Variants in CNTROB observed in about 807,000 individuals in gnomAD.
CNTROB encodes centrobin.
CNTROB carries 82 observed loss-of-function variants against 115.7 expected under a neutral mutation model. The observed-to-expected ratio is 0.71, with a 90% CI of 0.59 to 0.85. CNTROB has a LOEUF of 0.85. CNTROB is among the 40% of genes least tolerant of loss of function. The pLI, the probability that CNTROB is intolerant of heterozygous loss-of-function variation, is 0.00. For missense variants in CNTROB, 1,014 were observed against 1,144.4 expected, an observed-to-expected ratio of 0.89 and a Z score of 1.64; for synonymous variants, 439 against 456.4, an observed-to-expected ratio of 0.96 and a Z score of 0.49.
chr17:7,934,681 T>C, intron 3 of CNTROB, 135 bp downstream of exon 3: 1 of 812,328 alleles, frequency 1.2e-6, no homozygotes, highest in South Asian at 1.6e-5. Flanking sequence ...TCAGTTTTCA[T>C]CTTTTTCTAC....
intron 18 of CNTROB, 89 bp downstream of exon 18, chr17:7,949,246 A>G: frequency 2.6e-6 from 4 of 1,567,826 alleles, no homozygotes; most frequent in Non-Finnish European, 1.8e-6. Flanking sequence ...TGGCCCCTCC[A>G]TTCCACCCCT....
chr17:7,936,761 A>AG lies in CNTROB; in HGVS notation c.776dup (p.Leu260ThrfsTer28). On this transcript the variant is annotated frameshift_variant, in exon 6 of 19. Transcript: ENST00000563694. LOFTEE classifies it high-confidence loss of function. ...TGAGGCTGAGCGGACAGAGGTTCTCAGGGGACTTCAAGAGGAACACCAGGC... is the reference window on the plus strand; with the variant it reads ...TGAGGCTGAGCGGACAGAGGTTCTCAGGGGGACTTCAAGAGGAACACCAGGC... 1 of 1,572,968 alleles carries AG rather than the reference A, an allele frequency of 6.4e-7. No individual in the cohort carries two copies. The highest frequency in any genetic ancestry group is 8.8e-7 in the Non-Finnish European group (1 of 1,142,326).
chr17:7,938,001 G>GTTT (rs368082295), intron 7 of CNTROB, among the ~76,000 whole-genome samples: 45,316 of 103,998 alleles, frequency 0.44, 10,772 homozygotes, highest in East Asian at 0.72. Context: ...TTCTTTTCGT[G>GTTT]TTTTTTTTTT....
rs966098620 is a variant in CNTROB, at chr17:7,939,478, C to T, written c.928-35C>T. On this transcript the variant is annotated intron_variant, in intron 7 of 18. Transcript: ENST00000563694. This position sits in a 1 kb window ranked among gnomAD's most constrained non-coding sequence, Gnocchi z 4.4. ...GGCAGATCGCTGGTCTCTGAAGAGC[C>T]TACTAAGGAGCTTGGTTTTCTTCTG... 6.3e-7 allele frequency: 1 copy of T among 1,578,528 alleles called. No individual in the cohort carries two copies. The highest frequency in any genetic ancestry group is 1.3e-5 in the African/African-American group (1 of 74,332).
chr17:7,946,110 T>A, intron 13 of CNTROB, 124 bp downstream of exon 13: 1 of 839,508 alleles, frequency 1.2e-6, no homozygotes, highest in Non-Finnish European at 1.9e-6. Flanking sequence ...TGATCGCAAG[T>A]TGCAAGGAGC....
chr17:7,943,662 C>T lies in CNTROB; in HGVS notation c.1445+138C>T. On this transcript the variant is annotated intron_variant, in intron 10 of 18. Transcript: ENST00000563694. The surrounding 1 kb of genome is among the most constrained non-coding windows in gnomAD (Gnocchi z 4.7). ...TGCGCTAACTCCCATCAGCTGGGAC[C>T]TGAGTCTCTCTCGGGAGGGCTGCCT... 1 of 905,940 alleles carries T rather than the reference C, an allele frequency of 1.1e-6. No homozygotes were observed. The highest frequency in any genetic ancestry group is 1.6e-6 in the Non-Finnish European group (1 of 624,026). 56.1% of individuals were successfully genotyped at this position (905,940 alleles called of 1,614,324 possible).
intron 4 of CNTROB, among the ~76,000 whole-genome samples, chr17:7,935,489 G>A (rs1299051687): frequency 7.9e-5 from 12 of 150,976 alleles, no homozygotes; most frequent in Admixed American, 7.9e-4. Flanking sequence ...GCGACAGAGC[G>A]AGACTCCGTC....
rs1335117348 is a variant in CNTROB, at chr17:7,939,407, T to A, written c.928-106T>A. The A allele has an allele frequency of 4.1e-6, 4 of 978,482 alleles. No homozygotes were observed. The highest frequency in any genetic ancestry group is 6.3e-6 in the Non-Finnish European group (4 of 635,170). 60.6% of individuals were successfully genotyped at this position (978,482 alleles called of 1,614,324 possible). A position where few individuals can be genotyped will look rare whatever the true frequency, so the allele number is the denominator to read the frequency against. On this transcript the variant is annotated intron_variant, in intron 7 of 18. Coordinates refer to ENST00000563694, the MANE Select transcript of CNTROB (RefSeq NM_053051.5). The surrounding 1 kb of genome is among the most constrained non-coding windows in gnomAD (Gnocchi z 4.4). Reference sequence around the variant, plus strand: ...CCGCACCCGGCCTAATTATTGTGTTTTTAATGAGCATAATTCTCAGCAGGC... The same window carrying A: ...CCGCACCCGGCCTAATTATTGTGTTATTAATGAGCATAATTCTCAGCAGGC...
At chr17:7,949,302 T>C (rs1974931499) in intron 18 of CNTROB, 83 bp from the exon 19 acceptor site, 5 of 1,596,076 alleles carry the variant, frequency 3.1e-6, no homozygotes, top group Non-Finnish European at 4.3e-6. Flanking sequence ...CATCTGGCCC[T>C]CTCCACGTGC....
In CNTROB at chr17:7,945,807, T is replaced by A. The variant is rs1974469921; in HGVS notation, c.1814T>A (p.Met605Lys). The A allele has an allele frequency of 2.5e-6, 4 of 1,614,224 alleles. No homozygotes were observed. The highest frequency in any genetic ancestry group is 1.7e-4 in the Middle Eastern group (1 of 6,060). Residue 605 changes from methionine to lysine, a missense_variant, in exon 13 of 19, where the codon ATG becomes AAG. Met to Lys is a moderately conservative substitution (Grantham distance 95). Coordinates refer to ENST00000563694, the MANE Select transcript of CNTROB (RefSeq NM_053051.5). Reference sequence around the variant, plus strand: ...AGGAGGGTCTGGACTATGCCTCCCATGGCCGTGGCCCTGAAGCCTGTATTG... The same window carrying A: ...AGGAGGGTCTGGACTATGCCTCCCAAGGCCGTGGCCCTGAAGCCTGTATTG... ...EERRVWTMPP[M>K]AVALKPVLQQ...
intron 14 of CNTROB, 24 bp from the exon 15 acceptor site, chr17:7,947,892 C>G (rs985087640): frequency 1.9e-5 from 30 of 1,613,192 alleles, no homozygotes; most frequent in Non-Finnish European, 2.5e-5. Flanking sequence ...CCCTAGGGAA[C>G]TTGACAATCT....
rs1440225121 is a variant in CNTROB, at chr17:7,944,183, G to C, written c.1506G>C (p.Gln502His). The C allele has an allele frequency of 1.2e-6, 2 of 1,612,830 alleles. No individual in the cohort carries two copies. Among genetic ancestry groups the C allele is most frequent in the Non-Finnish European group, 8.5e-7 (1 of 1,178,800 alleles). ...HQQELASQLA[Q>H]FKVEMAEREE... The stretch of plus-strand genomic sequence containing the variant: ...AGGAGCTGGCCAGTCAGCTAGCTCA[G>C]TTCAAGGTGGAAATGGCAGAACGAG... Residue 502 changes from glutamine to histidine, a missense_variant, in exon 11 of 19, where the codon CAG (glutamine) becomes CAC (histidine). Gln to His is a conservative substitution (Grantham distance 24, BLOSUM62 0). Transcript: ENST00000563694. The surrounding 1 kb of genome is among the most constrained non-coding windows in gnomAD (Gnocchi z 4.0).
intron 4 of CNTROB, 133 bp downstream of exon 4, chr17:7,935,278 C>T (rs1235023289): frequency 1.0e-5 from 14 of 1,359,068 alleles, no homozygotes; most frequent in East Asian, 2.5e-5. Context: ...CTGAGGCAGG[C>T]GGATCACGAG....
At position 7,949,728 on chromosome 17, in the gene CNTROB, C is replaced by T. The variant is rs939334125; in HGVS notation, c.*218C>T. 2.1e-5 allele frequency: 9 copies of T among 427,730 alleles called. No individual in the cohort carries two copies. The highest frequency in any genetic ancestry group is 4.3e-5 in the Admixed American group (1 of 23,070). 26.5% of individuals were successfully genotyped at this position (427,730 alleles called of 1,614,324 possible). A position where few individuals can be genotyped will look rare whatever the true frequency, so the allele number is the denominator to read the frequency against. On this transcript the variant is annotated 3_prime_UTR_variant, in exon 19 of 19. Coordinates refer to ENST00000563694, the MANE Select transcript of CNTROB (RefSeq NM_053051.5). ...GAAAAGACATGAATGCTTTGGAAGA[C>T]GGTCTATGACAAGATTTGGAAAGTT...
rs1598057814 is a variant in CNTROB at position 7,934,558 on chromosome 17, T to C, written c.437+12T>C. 6.2e-7 allele frequency: 1 copy of C among 1,606,036 alleles called. No individual in the cohort carries two copies. The highest frequency in any genetic ancestry group is 8.5e-7 in the Non-Finnish European group (1 of 1,172,698). On this transcript the variant is annotated intron_variant, in intron 3 of 18. Transcript: ENST00000563694. ...GCCACCTTGCTCAAGTGAGTTCTCC[T>C]TGTGGTTCTCCTAGCTTGTTTGCTT...
rs770967149 is a variant in CNTROB at position 7,944,390 on chromosome 17, T to C, written c.1572-86T>C. The C allele has an allele frequency of 1.9e-6, 3 of 1,577,630 alleles. No homozygotes were observed. In the African/African-American group the frequency reaches 4.0e-5, roughly 21 times the overall value. ...CCAGCTCCTTTCAGAATATCAGATG[T>C]CCAACATTTCCCTTCTGGCTCTTTT... On this transcript the variant is annotated intron_variant, in intron 11 of 18. Coordinates refer to ENST00000563694, the MANE Select transcript of CNTROB (RefSeq NM_053051.5). This position sits in a 1 kb window ranked among gnomAD's most constrained non-coding sequence, Gnocchi z 4.0.
Position 7,944,514 on chromosome 17 carries a change from G to A in CNTROB, c.1610G>A (p.Ser537Asn). The A allele has an allele frequency of 1.9e-6, 3 of 1,614,142 alleles. No homozygotes were observed. Among genetic ancestry groups the A allele is most frequent in the South Asian group, 1.1e-5 (1 of 91,088 alleles). ...CAAGCGCGAGTGTGCGAACTGCAGA[G>A]TGGGAACCAGCAGCTGGAGGAGCAG... ...REQARVCELQ[S>N]GNQQLEEQRV... is the part of the protein sequence containing the mutation. The change falls in exon 12 of 19, where the codon AGT becomes AAT. Residue 537 changes from serine (S) to asparagine (N), a missense_variant. Coordinates refer to ENST00000563694, the MANE Select transcript of CNTROB (RefSeq NM_053051.5). This position sits in a 1 kb window ranked among gnomAD's most constrained non-coding sequence, Gnocchi z 4.0.
At position 7,935,016 on chromosome 17, in the gene CNTROB, A is replaced by G. The variant is rs1274944726; in HGVS notation, c.465A>G (p.Pro155=). The G allele has an allele frequency of 5.6e-6, 9 of 1,611,502 alleles. No individual in the cohort carries two copies. Among genetic ancestry groups the G allele is most frequent in the Non-Finnish European group, 7.6e-6 (9 of 1,178,430 alleles). ...CCCGGCCCCTGCAAGACTTGTCTCC[A>G]TCTAGCTCAGCCCAAGCCCTGGAGG... ...LNTRPLQDLS[P]SSSAQALEEL... Residue 155 remains proline (P), a synonymous_variant, in exon 4 of 19, where the codon CCA becomes CCG. Coordinates refer to ENST00000563694, the MANE Select transcript of CNTROB (RefSeq NM_053051.5).
In CNTROB at chr17:7,943,853, G is replaced by A. The variant is rs1048835595; in HGVS notation, c.1446-270G>A. The stretch of plus-strand genomic sequence containing the variant: ...CTCCAGAGCTGCTCTGTCGGACTGA[G>A]CCTCCTCGCAGCCTGGCCTCACTTC... On this transcript the variant is annotated intron_variant, in intron 10 of 18. Transcript: ENST00000563694. This position sits in a 1 kb window ranked among gnomAD's most constrained non-coding sequence, Gnocchi z 4.7. Among the ~76,000 whole-genome samples, 5 of 152,182 alleles carry A rather than the reference G, an allele frequency of 3.3e-5. No homozygotes were observed. Among genetic ancestry groups the A allele is most frequent in the African/African-American group, 1.2e-4 (5 of 41,442 alleles).
Sources: allele counts gnomAD v4.1 joint callset (sites outside exome capture counted in the v4.1 genomes callset), GRCh38; gene constraint gnomAD v4.1.1; non-coding constraint Gnocchi (gnomAD v3.1); transcripts MANE v1.5; gene names NCBI Gene and HGNC (gene_info 2026-07-23, HGNC 2026-07-21).